The following CLMN variants were observed in gnomAD, a reference collection of about 807,000 sequenced individuals.
CLMN encodes calmin.
CLMN carries 57 observed loss-of-function variants against 92.7 expected under a neutral mutation model. The observed-to-expected ratio is 0.61, with a 90% CI of 0.50 to 0.77. The LOEUF is 0.77. Among genes scored for constraint, CLMN ranks in the 30% least tolerant of loss-of-function variants. The pLI is 0.00. For synonymous variants in CLMN, 466 were observed against 470.6 expected (o/e 0.99, Z 0.13); for missense variants, 1,158 against 1,237.5 (o/e 0.94, Z 0.96).
intron 1 of CLMN, among the ~76,000 whole-genome samples, chr14:95,315,777 G>A (rs115760687): frequency 1.3e-5 from 2 of 152,326 alleles, no homozygotes; most frequent in East Asian, 1.9e-4. Flanking sequence ...CCTCTGCACC[G>A]CTAGAATCAG....
intron 1 of CLMN, among the ~76,000 whole-genome samples, chr14:95,244,986 T>TAC (rs201945657): frequency 6.9e-4 from 79 of 114,498 alleles, no homozygotes; most frequent in African/African-American, 1.8e-3. Flanking sequence ...CATATATGTG[T>TAC]ATACACACAC....
intron 1 of CLMN, among the ~76,000 whole-genome samples, chr14:95,315,936 T>A (rs1238768117): frequency 6.6e-6 from 1 of 151,974 alleles, no homozygotes; most frequent in African/African-American, 2.4e-5. Context: ...GGGTTGTGGG[T>A]TTTTTGGGTG....
chr14:95,217,909 G>A (rs1189199504), intron 4 of CLMN, among the ~76,000 whole-genome samples: 1 of 152,266 alleles, frequency 6.6e-6, no homozygotes, highest in Non-Finnish European at 1.5e-5. Context: ...TTCCCTCAGA[G>A]AACTGGGATG....
At position 95,204,028 on chromosome 14, in the gene CLMN, T is replaced by C; in HGVS notation, c.1321A>G (p.Asn441Asp). The C allele has an allele frequency of 6.2e-7, 1 of 1,614,190 alleles. No individual in the cohort carries two copies. The highest frequency in any genetic ancestry group is 8.5e-7 in the Non-Finnish European group (1 of 1,180,042). Reference sequence around the variant, plus strand: ...CTCCCTTCAAAGCAAAGGGACAGGTTCTTACTGCAGAAAGGATCCTTGTAG... The same window carrying C: ...CTCCCTTCAAAGCAAAGGGACAGGTCCTTACTGCAGAAAGGATCCTTGTAG... ...DTYKDPFCSK[N>D]LSLCFEGSPR... The change falls in exon 9 of 13, where the codon AAC (asparagine) becomes GAC (aspartate). Residue 441 changes from asparagine to aspartate, a missense_variant. Asn to Asp is a conservative substitution (Grantham distance 23). Coordinates refer to ENST00000298912, the MANE Select transcript of CLMN (RefSeq NM_024734.4).
intron 1 of CLMN, among the ~76,000 whole-genome samples, chr14:95,303,330 T>C (rs971866560): frequency 2.6e-5 from 4 of 152,258 alleles, no homozygotes; most frequent in African/African-American, 9.6e-5. Context: ...CAGCAGAGGC[T>C]GCAGCTTTAA....
intron 1 of CLMN, among the ~76,000 whole-genome samples, chr14:95,279,784 A>AAAAAC (rs937512247): frequency 5.9e-5 from 9 of 152,250 alleles, no homozygotes; most frequent in African/African-American, 1.4e-4. Context: ...CTCCGTCTCA[A>AAAAAC]AAAACAAAAC....
In CLMN at chr14:95,203,308, C is replaced by T. The variant is rs1429076966; in HGVS notation, c.2041G>A (p.Gly681Ser). ...EEEGEDDDLQ[G>S]VGEELSSSPP... is the part of the protein sequence containing the mutation. ...CTGGAAGATAATTCCTCGCCCACAC[C>T]CTGGAGGTCATCGTCTTCTCCCTCT... Residue 681 changes from glycine (G) to serine (S), a missense_variant, in exon 9 of 13, where the codon GGT becomes AGT. Coordinates refer to ENST00000298912, the MANE Select transcript of CLMN (RefSeq NM_024734.4). 1.9e-6 allele frequency: 3 copies of T among 1,614,100 alleles called. No homozygotes were observed. The highest frequency in any genetic ancestry group is 1.7e-6 in the Non-Finnish European group (2 of 1,180,012).
At chr14:95,261,309 G>A (rs995504282) in intron 1 of CLMN, among the ~76,000 whole-genome samples, 1 of 152,168 alleles carries the variant, frequency 6.6e-6, no homozygotes, top group Non-Finnish European at 1.5e-5. Flanking sequence ...CTGGGAACGT[G>A]CGCGTCTGGC....
At chr14:95,201,324 T>C (rs1195184559) in intron 9 of CLMN, among the ~76,000 whole-genome samples, 3 of 151,758 alleles carry the variant, frequency 2.0e-5, no homozygotes, top group Non-Finnish European at 4.4e-5. Context: ...TGGAGACCCT[T>C]GGGAGTCACA....
chr14:95,281,641 T>C (rs745637111), intron 1 of CLMN, among the ~76,000 whole-genome samples: 4 of 152,332 alleles, frequency 2.6e-5, no homozygotes, highest in Admixed American at 2.0e-4. Flanking sequence ...CATATTGGAA[T>C]AGGCTAACAA....
chr14:95,240,912 C>G (rs1898220397), intron 1 of CLMN, among the ~76,000 whole-genome samples: 1 of 152,114 alleles, frequency 6.6e-6, no homozygotes, highest in Non-Finnish European at 1.5e-5. Context: ...CTGCTTGAAC[C>G]CCTTCAAAGC....
At chr14:95,276,029 T>G (rs1899913307) in intron 1 of CLMN, among the ~76,000 whole-genome samples, 1 of 152,224 alleles carries the variant, frequency 6.6e-6, no homozygotes, top group South Asian at 2.1e-4. Flanking sequence ...AAGTCTTTCT[T>G]GCGTGAGATC....
At chr14:95,314,422 T>G (rs1901674815) in intron 1 of CLMN, among the ~76,000 whole-genome samples, 3 of 151,986 alleles carry the variant, frequency 2.0e-5, no homozygotes, top group African/African-American at 7.3e-5. Flanking sequence ...ACACCAGCCA[T>G]CCACTCATGC....
chr14:95,199,434 C>T (rs1005155767), intron 9 of CLMN: 3 of 152,260 alleles, frequency 2.0e-5, no homozygotes, highest in African/African-American at 7.2e-5. Context: ...AGCTCCAGTC[C>T]TTTGGGCCCC....
At chr14:95,286,850 A>C (rs1200092020) in intron 1 of CLMN, among the ~76,000 whole-genome samples, 1 of 152,154 alleles carries the variant, frequency 6.6e-6, no homozygotes, top group Non-Finnish European at 1.5e-5. Flanking sequence ...CTCACTCAAC[A>C]CCTGTGTGTG....
chr14:95,264,827 C>A (rs1241359011), intron 1 of CLMN, among the ~76,000 whole-genome samples: 2 of 151,712 alleles, frequency 1.3e-5, no homozygotes, highest in African/African-American at 4.8e-5. Context: ...AATCCCAGCT[C>A]TTTGGGAGGG....
At chr14:95,258,389 GGTGT>G (rs1002301061) in intron 1 of CLMN, among the ~76,000 whole-genome samples, 1 of 150,416 alleles carries the variant, frequency 6.6e-6, no homozygotes, top group Non-Finnish European at 1.5e-5. Context: ...GTGTATGTGT[GGTGT>G]GTGTGTGATC....
At chr14:95,210,622 T>A in intron 7 of CLMN, 64 bp downstream of exon 7, 2 of 1,523,008 alleles carry the variant, frequency 1.3e-6, no homozygotes, top group Non-Finnish European at 1.8e-6. Context: ...ATTTTCCACA[T>A]GGGACAGCAA....
At chr14:95,252,697 C>T (rs1266712494) in intron 1 of CLMN, among the ~76,000 whole-genome samples, 1 of 152,124 alleles carries the variant, frequency 6.6e-6, no homozygotes, top group Non-Finnish European at 1.5e-5. Flanking sequence ...CTCAGGAGTC[C>T]TGGAGACTGA....
Sources: allele counts gnomAD v4.1 joint callset (sites outside exome capture counted in the v4.1 genomes callset), GRCh38; gene constraint gnomAD v4.1.1; transcripts MANE v1.5; gene names NCBI Gene and HGNC (gene_info 2026-07-23, HGNC 2026-07-21).